The following PLCXD3 variants were observed in gnomAD, a reference collection of about 807,000 sequenced individuals.
PLCXD3 encodes PI-PLC X domain-containing protein 3.
A neutral mutation model predicts 25.5 loss-of-function variants in PLCXD3; 19 were observed. That is an observed-to-expected ratio of 0.75 (90% CI 0.52 to 1.09). The LOEUF is 1.09. PLCXD3 is among the 50% of genes least tolerant of loss of function. The probability of loss-of-function intolerance (pLI) is 0.00; values close to 1 mark genes in which losing one functional copy is unlikely to be tolerated. For missense variants in PLCXD3, 411 were observed against 388.1 expected, an observed-to-expected ratio of 1.06 and a Z score of -0.50; for synonymous variants, 174 against 137.6, an observed-to-expected ratio of 1.26 and a Z score of -1.85.
Position 41,313,675 on chromosome 5 carries a change from A to T in PLCXD3, c.908T>A (p.Phe303Tyr). 1 of 1,613,940 alleles carries T rather than the reference A, an allele frequency of 6.2e-7. No homozygotes were observed. The highest frequency in any genetic ancestry group is 2.2e-5 in the East Asian group (1 of 44,862). The change falls in exon 3 of 3, where the codon TTT becomes TAT. Residue 303 changes from phenylalanine to tyrosine, a missense_variant. Phe to Tyr is a conservative substitution (Grantham distance 22). Transcript: ENST00000377801. ...GTTGAGCTTTATGACAGTGCTGATA[A>T]AGTCACCAAGTTCTACAAAATCGGC... ...VTADFVELGD[F>Y]ISTVIKLNYV...
intron 1 of PLCXD3, among the ~76,000 whole-genome samples, chr5:41,398,986 A>T (rs1228173994): frequency 6.6e-6 from 1 of 152,236 alleles, no homozygotes; most frequent in African/African-American, 2.4e-5. Flanking sequence ...TAGAACTTAT[A>T]AACAAATTTA....
At position 41,441,026 on chromosome 5, in the gene PLCXD3, T is replaced by C. The variant is rs560062698; in HGVS notation, c.104-58492A>G. On this transcript the variant is annotated intron_variant, in intron 1 of 2. Transcript: ENST00000377801. ...CTTCAGGCCCACAGAATCAGTTTTC[T>C]GGTTCTTGCAGTCCTTCCTCTAACC... 4.6e-5 allele frequency among the ~76,000 whole-genome samples: 7 copies of C among 152,364 alleles called. 1 individual carries two copies. In the South Asian group the frequency reaches 1.2e-3, roughly 27 times the overall value.
At chr5:41,427,144 T>C (rs1009074168) in intron 1 of PLCXD3, among the ~76,000 whole-genome samples, 1 of 152,192 alleles carries the variant, frequency 6.6e-6, no homozygotes, top group African/African-American at 2.4e-5. Context: ...AATATGACAA[T>C]TCATGTTTCT....
At chr5:41,451,922 T>C (rs542807559) in intron 1 of PLCXD3, among the ~76,000 whole-genome samples, 4 of 152,046 alleles carry the variant, frequency 2.6e-5, no homozygotes, top group Non-Finnish European at 5.9e-5. Flanking sequence ...GAGTGTAATA[T>C]TTACCCAATT....
intron 1 of PLCXD3, among the ~76,000 whole-genome samples, chr5:41,499,880 T>C (rs964359778): frequency 2.6e-5 from 4 of 151,550 alleles, no homozygotes; most frequent in Admixed American, 1.3e-4. Flanking sequence ...GAATACACAA[T>C]GGGGAAAGGA....
In PLCXD3 at chr5:41,311,960, T is replaced by C. The variant is rs959421174; in HGVS notation, c.*1657A>G. 6.6e-6 allele frequency: 1 copy of C among 152,588 alleles called. No individual in the cohort carries two copies. The highest frequency in any genetic ancestry group is 1.5e-5 in the Non-Finnish European group (1 of 68,012). 9.5% of individuals were successfully genotyped at this position (152,588 alleles called of 1,614,324 possible). A position where few individuals can be genotyped will look rare whatever the true frequency, so the allele number is the denominator to read the frequency against. The stretch of plus-strand genomic sequence containing the variant: ...TGGACTGTATTATCCTAGGAAACTA[T>C]TGGGGTGTGATTATTTCTAAACATG... On this transcript the variant is annotated 3_prime_UTR_variant, in exon 3 of 3. Transcript: ENST00000377801.
At chr5:41,357,161 T>G (rs1744642758) in intron 2 of PLCXD3, among the ~76,000 whole-genome samples, 1 of 152,210 alleles carries the variant, frequency 6.6e-6, no homozygotes, top group African/African-American at 2.4e-5. Context: ...AACATGTCTT[T>G]CTCAGAACAG....
intron 1 of PLCXD3, among the ~76,000 whole-genome samples, chr5:41,386,192 A>G (rs1745629021): frequency 6.6e-6 from 1 of 152,138 alleles, no homozygotes; most frequent in Admixed American, 6.6e-5. Flanking sequence ...TGGTTATGTT[A>G]TATGCATGTT....
chr5:41,326,763 A>T (rs973914267), intron 2 of PLCXD3, among the ~76,000 whole-genome samples: 3 of 152,148 alleles, frequency 2.0e-5, no homozygotes, highest in African/African-American at 7.2e-5. Context: ...AGCACATAAC[A>T]TTGATTATCC....
chr5:41,345,871 CTTTTCTTTTTTTTATT>C lies in PLCXD3; in HGVS notation c.813-32117_813-32102del, dbSNP rs1382951603. Among the ~76,000 whole-genome samples the C allele has an allele frequency of 2.0e-4, 26 of 132,676 alleles. No individual in the cohort carries two copies. In the East Asian group the frequency reaches 5.9e-3, roughly 30 times the overall value. 87.0% of individuals were successfully genotyped at this position (132,676 alleles called of 152,430 possible). On this transcript the variant is annotated intron_variant, in intron 2 of 2. Transcript: ENST00000377801. ...AGTTTCTTTTCTTTTTTTCTTTTTT[CTTTTCTTTTTTTTATT>C]TTTTCTTTTTGAGACGGAGTCTCAC...
At chr5:41,405,182 A>T (rs1215565308) in intron 1 of PLCXD3, among the ~76,000 whole-genome samples, 2 of 152,172 alleles carry the variant, frequency 1.3e-5, no homozygotes, top group African/African-American at 2.4e-5. Flanking sequence ...AGGCTGCTGG[A>T]TGAAGATATA....
At chr5:41,385,270 T>A (rs552542625) in intron 1 of PLCXD3, among the ~76,000 whole-genome samples, 42 of 152,230 alleles carry the variant, frequency 2.8e-4, no homozygotes, top group South Asian at 2.3e-3. Context: ...ATTGACTTGG[T>A]ATTCTTGGGC....
chr5:41,404,689 A>G (rs1322724122), intron 1 of PLCXD3, among the ~76,000 whole-genome samples: 1 of 152,142 alleles, frequency 6.6e-6, no homozygotes, highest in Non-Finnish European at 1.5e-5. Context: ...TCCATTTAAT[A>G]TCTTTCCAGT....
At position 41,419,347 on chromosome 5, in the gene PLCXD3, T is replaced by C. The variant is rs1013589485; in HGVS notation, c.104-36813A>G. The stretch of plus-strand genomic sequence containing the variant: ...TCACAAAAAAATACTATACAAGACG[T>C]TCTTTCTTTGGAATAATTTCCTGGA... On this transcript the variant is annotated intron_variant, in intron 1 of 2. Transcript: ENST00000377801. 2.8e-4 allele frequency among the ~76,000 whole-genome samples: 43 copies of C among 152,308 alleles called. 1 individual carries two copies. Among genetic ancestry groups the C allele is most frequent in the South Asian group, 6.2e-4 (3 of 4,826 alleles).
intron 1 of PLCXD3, among the ~76,000 whole-genome samples, chr5:41,438,074 T>G (rs2150510742): frequency 6.6e-6 from 1 of 152,310 alleles, no homozygotes. Context: ...GGGCTTTGGT[T>G]TGTTCTGCCT....
At chr5:41,369,149 G>T (rs1745020887) in intron 2 of PLCXD3, among the ~76,000 whole-genome samples, 1 of 152,160 alleles carries the variant, frequency 6.6e-6, no homozygotes, top group African/African-American at 2.4e-5. Flanking sequence ...TGTGGCACTT[G>T]CTCTGCTTGT....
chr5:41,482,391 C>T lies in PLCXD3; in HGVS notation c.103+28033G>A, dbSNP rs188855356. 3.9e-5 allele frequency among the ~76,000 whole-genome samples: 6 copies of T among 152,246 alleles called. No individual in the cohort carries two copies. In the East Asian group the frequency reaches 9.7e-4, roughly 25 times the overall value. On this transcript the variant is annotated intron_variant, in intron 1 of 2. Transcript: ENST00000377801. Reference sequence around the variant, plus strand: ...AGTCACGTGTCTGGGCCACGTGACTCGTAACGTACTTACAAATCTAGGAAG... The same window carrying T: ...AGTCACGTGTCTGGGCCACGTGACTTGTAACGTACTTACAAATCTAGGAAG...
chr5:41,393,213 C>T (rs548498237), intron 1 of PLCXD3, among the ~76,000 whole-genome samples: 66 of 152,208 alleles, frequency 4.3e-4, no homozygotes, highest in African/African-American at 1.1e-3. Flanking sequence ...AAATACAAGA[C>T]GGTTATAAAA....
chr5:41,349,406 T>A (rs1281545151), intron 2 of PLCXD3, among the ~76,000 whole-genome samples: 1 of 152,210 alleles, frequency 6.6e-6, no homozygotes, highest in Non-Finnish European at 1.5e-5. Flanking sequence ...TCTTTCAAAT[T>A]TGGAGATGGT....
Sources: allele counts gnomAD v4.1 joint callset (sites outside exome capture counted in the v4.1 genomes callset), GRCh38; gene constraint gnomAD v4.1.1; transcripts MANE v1.5; gene names NCBI Gene and HGNC (gene_info 2026-07-23, HGNC 2026-07-21).